The following GAB2 variants were observed in gnomAD, a reference collection of about 807,000 sequenced individuals.
GAB2 encodes GRB2-associated-binding protein 2.
A neutral mutation model predicts 65.5 loss-of-function variants in GAB2; 26 were observed. The observed-to-expected ratio is 0.40, with a 90% CI of 0.29 to 0.55. GAB2 has a LOEUF of 0.55. Among genes scored for constraint, GAB2 ranks in the 20% least tolerant of loss-of-function variants. The probability of loss-of-function intolerance (pLI) is 0.53; values close to 1 mark genes in which losing one functional copy is unlikely to be tolerated. For synonymous variants in GAB2, 321 were observed against 329.6 expected (o/e 0.97, Z 0.28); for missense variants, 884 against 875.8 (o/e 1.01, Z -0.12).
chr11:78,327,062 T>C (rs904629752), intron 1 of GAB2, among the ~76,000 whole-genome samples: 3 of 152,198 alleles, frequency 2.0e-5, no homozygotes, highest in African/African-American at 7.2e-5. Flanking sequence ...TCAAGATCAT[T>C]CCTATTTAGC....
intron 3 of GAB2, among the ~76,000 whole-genome samples, chr11:78,245,672 T>C (rs901907952): frequency 2.1e-4 from 32 of 152,216 alleles, no homozygotes; most frequent in African/African-American, 7.7e-4. Context: ...TATACATATT[T>C]TAAAGAAGTT....
Position 78,215,721 on chromosome 11 carries a change from C to G in GAB2, c.*3551G>C, listed in dbSNP as rs1345489469. On this transcript the variant is annotated 3_prime_UTR_variant, in exon 10 of 10. Coordinates refer to ENST00000361507, the MANE Select transcript of GAB2 (RefSeq NM_080491.3). The stretch of plus-strand genomic sequence containing the variant: ...CTTGGGGACCCCCTCGGCAGGTACC[C>G]CATTGTGGTCCCAGGTCCTAAACAG... 2 of 152,370 alleles carry G rather than the reference C, an allele frequency of 1.3e-5. No individual in the cohort carries two copies. Among genetic ancestry groups the G allele is most frequent in the Non-Finnish European group, 2.9e-5 (2 of 68,040 alleles). 9.4% of individuals were successfully genotyped at this position (152,370 alleles called of 1,614,324 possible).
In GAB2 at chr11:78,402,221, G is replaced by C. The variant is rs1361570012; in HGVS notation, c.75+15425C>G. ...CCTTGCCACCTTGTCTACTCTCTTA[G>C]TGGTCCCTCTACCTGAAAAACCTTC... On this transcript the variant is annotated intron_variant, in intron 1 of 9. Coordinates refer to ENST00000361507, the MANE Select transcript of GAB2 (RefSeq NM_080491.3). Among the ~76,000 whole-genome samples the C allele has an allele frequency of 3.3e-5, 5 of 151,974 alleles. No individual in the cohort carries two copies. The East Asian group carries it at 7.7e-4, about 23-fold the overall frequency.
chr11:78,386,025 CCA>C (rs1856761539), intron 1 of GAB2, among the ~76,000 whole-genome samples: 2 of 152,170 alleles, frequency 1.3e-5, no homozygotes, highest in South Asian at 4.1e-4. Context: ...TTCCCCATCC[CCA>C]GTCAGTGCCT....
chr11:78,358,049 T>C (rs1268172048), intron 1 of GAB2, among the ~76,000 whole-genome samples: 2 of 152,110 alleles, frequency 1.3e-5, no homozygotes, highest in African/African-American at 2.4e-5. Context: ...CCAACCCAAA[T>C]GTCCATCAAT....
At chr11:78,319,590 C>T (rs543332531) in intron 1 of GAB2, among the ~76,000 whole-genome samples, 1 of 152,274 alleles carries the variant, frequency 6.6e-6, no homozygotes, top group African/African-American at 2.4e-5. Flanking sequence ...ATGACAGAAA[C>T]TGGAATTTCT....
chr11:78,282,608 C>T lies in GAB2; in HGVS notation c.76-1707G>A, dbSNP rs145299046. On this transcript the variant is annotated intron_variant, in intron 1 of 9. Transcript: ENST00000361507. ...ACAAGTGTGAGCCACTGTGTACGCC[C>T]GGCACTGTGTGATTTTTGATTAAGT... Among the ~76,000 whole-genome samples, 145 of 152,202 alleles carry T rather than the reference C, an allele frequency of 9.5e-4. 1 individual carries two copies. Among genetic ancestry groups the T allele is most frequent in the African/African-American group, 3.4e-3 (140 of 41,530 alleles).
chr11:78,239,702 G>C (rs749264877), intron 3 of GAB2, among the ~76,000 whole-genome samples: 1 of 152,168 alleles, frequency 6.6e-6, no homozygotes, highest in Non-Finnish European at 1.5e-5. Context: ...CTTTTGGTGA[G>C]AAGGTAGGCA....
chr11:78,225,263 A>G (rs1864597700), intron 4 of GAB2, 61 bp from the exon 5 acceptor site: 5 of 1,100,034 alleles, frequency 4.5e-6, no homozygotes, highest in Non-Finnish European at 7.0e-6. Flanking sequence ...ACACTTACCC[A>G]TACCCTCACC....
intron 3 of GAB2, among the ~76,000 whole-genome samples, chr11:78,232,167 A>T (rs1590950618): frequency 6.6e-6 from 1 of 152,222 alleles, no homozygotes; most frequent in East Asian, 1.9e-4. Flanking sequence ...GTCAGGGAAG[A>T]CTTAGAAAAG....
chr11:78,258,868 AT>A (rs1865663971), intron 2 of GAB2, among the ~76,000 whole-genome samples: 1 of 152,040 alleles, frequency 6.6e-6, no homozygotes, highest in Non-Finnish European at 1.5e-5. Context: ...TTTCATTGGC[AT>A]TTTTTCTTTT....
intron 1 of GAB2, among the ~76,000 whole-genome samples, chr11:78,371,373 T>C (rs1856569541): frequency 6.6e-6 from 1 of 152,246 alleles, no homozygotes; most frequent in South Asian, 2.1e-4. Context: ...GTTGCTGATC[T>C]GTATAATCAG....
intron 5 of GAB2, 37 bp downstream of exon 5, chr11:78,225,071 G>C: frequency 1.5e-6 from 2 of 1,353,388 alleles, no homozygotes; most frequent in Non-Finnish European, 2.1e-6. Context: ...TACCTAACCA[G>C]GCCGGCCTGA....
chr11:78,409,219 A>G (rs1857093593), intron 1 of GAB2, among the ~76,000 whole-genome samples: 1 of 152,106 alleles, frequency 6.6e-6, no homozygotes, highest in African/African-American at 2.4e-5. Flanking sequence ...ATTACCAGAG[A>G]CTCAGCAGGT....
intron 3 of GAB2, among the ~76,000 whole-genome samples, chr11:78,242,169 A>C (rs1865151193): frequency 6.6e-6 from 1 of 152,216 alleles, no homozygotes; most frequent in Non-Finnish European, 1.5e-5. Flanking sequence ...ATTAAACAAC[A>C]TGCTCTTGAA....
intron 1 of GAB2, among the ~76,000 whole-genome samples, chr11:78,313,655 G>A (rs1855543935): frequency 1.3e-5 from 2 of 152,204 alleles, no homozygotes; most frequent in South Asian, 4.1e-4. Context: ...TATGGGGCAT[G>A]TGCCAAGCTT....
chr11:78,285,816 C>CTT (rs1305128917), intron 1 of GAB2, among the ~76,000 whole-genome samples: 2 of 152,330 alleles, frequency 1.3e-5, no homozygotes, highest in South Asian at 2.1e-4. Flanking sequence ...ACAAACAACT[C>CTT]TAAGTGTCTG....
rs1565188214 is a variant in GAB2 at position 78,407,667 on chromosome 11, A to AAGAAAGAAAGAAAGAAAGAAAGAGATGGC, written c.75+9978_75+9979insGCCATCTCTTTCTTTCTTTCTTTCTTTCT. ...AAAGAAAGAAAGAAAGTAAGAAAGA[A>AAGAAAGAAAGAAAGAAAGAAAGAGATGGC]AGAAAGAAAGAAAGAAAGAAAGAAA... On this transcript the variant is annotated intron_variant, in intron 1 of 9. Coordinates refer to ENST00000361507, the MANE Select transcript of GAB2 (RefSeq NM_080491.3). 1.1e-4 allele frequency among the ~76,000 whole-genome samples: 14 copies of AAGAAAGAAAGAAAGAAAGAAAGAGATGGC among 126,646 alleles called. No individual in the cohort carries two copies. The South Asian group carries it at 1.9e-3, about 17-fold the overall frequency. The allele number at this position is 126,646 out of a possible 152,430, so 83.1% of individuals were successfully genotyped here.
intron 1 of GAB2, among the ~76,000 whole-genome samples, chr11:78,304,317 TG>T (rs1233800510): frequency 6.6e-6 from 1 of 152,216 alleles, no homozygotes; most frequent in Non-Finnish European, 1.5e-5. Context: ...CCAGAACATT[TG>T]CATCACCCCA....
Sources: allele counts gnomAD v4.1 joint callset (sites outside exome capture counted in the v4.1 genomes callset), GRCh38; gene constraint gnomAD v4.1.1; transcripts MANE v1.5; gene names NCBI Gene and HGNC (gene_info 2026-07-23, HGNC 2026-07-21).